Variants in RPL21 observed in about 807,000 individuals in gnomAD.
RPL21 encodes large ribosomal subunit protein eL21.
RPL21 carries 1 observed loss-of-function variant against 21.2 expected under a neutral mutation model. The ratio of observed to expected loss-of-function variants is 0.05; its 90% CI spans 0.02 to 0.22. The LOEUF (loss-of-function observed/expected upper bound fraction) is 0.22. Among genes scored for constraint, RPL21 ranks in the 10% least tolerant of loss-of-function variants. RPL21 has a pLI of 1.00. For missense variants in RPL21, 113 were observed against 199.4 expected (o/e 0.57, Z 2.61); for synonymous variants, 52 against 62.9 (o/e 0.83, Z 0.82).
chr13:27,252,773 T>C (rs560029143), intron 1 of RPL21, among the ~76,000 whole-genome samples: 1 of 152,352 alleles, frequency 6.6e-6, no homozygotes, highest in Admixed American at 6.5e-5. Flanking sequence ...GTCTTCTTGC[T>C]ATACAATTTT....
intron 1 of RPL21, 47 bp downstream of exon 1, chr13:27,251,632 G>C (rs1251239086): frequency 1.3e-5 from 2 of 152,324 alleles, no homozygotes; most frequent in Non-Finnish European, 2.9e-5. Flanking sequence ...CGACAGACTT[G>C]AACCGCGACC....
At position 27,256,246 on chromosome 13, in the gene RPL21, G is replaced by A. The variant is rs751892760; in HGVS notation, c.305G>A (p.Arg102Gln). 4.4e-6 allele frequency: 7 copies of A among 1,586,944 alleles called. No individual in the cohort carries two copies. The highest frequency in any genetic ancestry group is 1.7e-5 in the Admixed American group (1 of 59,124). The change falls in exon 5 of 6, where the codon CGA (arginine) becomes CAA (glutamine). Residue 102 changes from arginine (R) to glutamine (Q), a missense_variant. Coordinates refer to ENST00000311549, the MANE Select transcript of RPL21 (RefSeq NM_000982.4). ...GAGCACATTAAGCACTCTAAGAGCC[G>A]AGATAGCTTCCTGAAACGTGTGAAG... ...RIEHIKHSKS[R>Q]DSFLKRVKEN...
chr13:27,252,397 C>T (rs1004997531), intron 1 of RPL21, among the ~76,000 whole-genome samples: 1 of 152,124 alleles, frequency 6.6e-6, no homozygotes, highest in African/African-American at 2.4e-5. Flanking sequence ...GCAGGTTGCT[C>T]TTTATGGTGG....
At chr13:27,254,195 C>T (rs898663173) in intron 2 of RPL21, 25 bp from the exon 3 acceptor site, 3 of 1,456,868 alleles carry the variant, frequency 2.1e-6, no homozygotes, top group African/African-American at 2.8e-5. Flanking sequence ...CCTTAATACT[C>T]ACTATACCAA....
intron 4 of RPL21, chr13:27,255,750 T>C: frequency 2.8e-6 from 1 of 357,432 alleles, no homozygotes; most frequent in Non-Finnish European, 5.4e-6. Context: ...TTTTTTGTAT[T>C]CTTAGTAGAG....
chr13:27,254,985 A>G (rs1447494705), intron 3 of RPL21: 5 of 630,302 alleles, frequency 7.9e-6, no homozygotes, highest in Non-Finnish European at 1.4e-5. Flanking sequence ...GATGAAGATT[A>G]CTATTACTAT....
intron 4 of RPL21, chr13:27,255,826 C>T (rs1215875724): frequency 9.2e-6 from 3 of 324,908 alleles, no homozygotes; most frequent in African/African-American, 4.4e-5. Context: ...CCTGCCTCGG[C>T]CTCCCAAAGT....
chr13:27,254,417 C>CG (rs1881798221), intron 3 of RPL21, 136 bp downstream of exon 3: 3 of 271,334 alleles, frequency 1.1e-5, no homozygotes, highest in Non-Finnish European at 2.0e-5. Flanking sequence ...TTTTTGGAGA[C>CG]GGAGTTTCAC....
intron 3 of RPL21, chr13:27,254,926 T>C (rs1881824085): frequency 4.4e-6 from 2 of 452,558 alleles, no homozygotes; most frequent in Non-Finnish European, 8.3e-6. Flanking sequence ...TGGGAAATTA[T>C]GAGTTTATCA....
At chr13:27,252,210 AC>A (rs1881683856) in intron 1 of RPL21, among the ~76,000 whole-genome samples, 1 of 151,860 alleles carries the variant, frequency 6.6e-6, no homozygotes, top group South Asian at 2.1e-4. Context: ...TAAAATTTTG[AC>A]CCCACATGGT....
chr13:27,253,063 T>G (rs1347882102), intron 1 of RPL21, among the ~76,000 whole-genome samples: 1 of 152,206 alleles, frequency 6.6e-6, no homozygotes, highest in Non-Finnish European at 1.5e-5. Flanking sequence ...ACTGAGCACT[T>G]TACACGGGCC....
At position 27,251,968 on chromosome 13, in the gene RPL21, C is replaced by T. The variant is rs138132938; in HGVS notation, c.-13+383C>T. On this transcript the variant is annotated intron_variant, in intron 1 of 5. Coordinates refer to ENST00000311549, the MANE Select transcript of RPL21 (RefSeq NM_000982.4). The stretch of plus-strand genomic sequence containing the variant: ...GTGTGGGGGCCGCGTGGCCTGATGC[C>T]TTTCTAACTCCTTTCAGTGTGGCTT... 6.6e-3 allele frequency: 1,001 copies of T among 152,464 alleles called. 9 individuals carry two copies. The highest frequency in any genetic ancestry group is 8.0e-3 in the Non-Finnish European group (543 of 68,148). 9.4% of individuals were successfully genotyped at this position (152,464 alleles called of 1,614,324 possible).
intron 1 of RPL21, 27 bp from the exon 2 acceptor site, chr13:27,253,738 T>G: frequency 7.5e-7 from 1 of 1,334,074 alleles, no homozygotes; most frequent in Non-Finnish European, 1.1e-6. Context: ...TTCAGTCGTA[T>G]TTGACTGTTC....
intron 1 of RPL21, among the ~76,000 whole-genome samples, chr13:27,252,032 T>G (rs552225682): frequency 2.0e-5 from 3 of 152,274 alleles, no homozygotes; most frequent in Admixed American, 2.0e-4. Flanking sequence ...GGTGAGGACT[T>G]AAGGGGTAGT....
chr13:27,256,337 A>G lies in RPL21; in HGVS notation c.393+3A>G, dbSNP rs79636008. 2.9e-3 allele frequency: 4,744 copies of G among 1,610,898 alleles called. 116 individuals carry two copies. The African/African-American group carries it at 0.055, about 19-fold the overall frequency. On this transcript the variant is annotated splice_donor_region_variant and intron_variant, in intron 5 of 5. Transcript: ENST00000311549. ...CCTGGGTTCAACTAAAGCGCCAGGTAAGAATTTGGTGTATATTTCATTGGT... is the reference window on the plus strand; with the variant it reads ...CCTGGGTTCAACTAAAGCGCCAGGTGAGAATTTGGTGTATATTTCATTGGT...
chr13:27,252,852 G>T (rs1197592804), intron 1 of RPL21, among the ~76,000 whole-genome samples: 1 of 152,232 alleles, frequency 6.6e-6, no homozygotes, highest in East Asian at 1.9e-4. Flanking sequence ...AATTGTGTTA[G>T]AATATTGTCA....
chr13:27,255,075 G>A lies in RPL21; in HGVS notation c.130-167G>A, dbSNP rs140626344. ...TATCTTGGCACTCGAGCTTAATGATGACTGTTTTTTTTGATTGCTTGAAGC... is the reference window on the plus strand; with the variant it reads ...TATCTTGGCACTCGAGCTTAATGATAACTGTTTTTTTTGATTGCTTGAAGC... On this transcript the variant is annotated intron_variant, in intron 3 of 5. Transcript: ENST00000311549. The A allele has an allele frequency of 1.2e-3, 883 of 766,098 alleles. 17 individuals are homozygous for A. The South Asian group carries it at 0.012, about 10-fold the overall frequency. 47.5% of individuals were successfully genotyped at this position (766,098 alleles called of 1,614,324 possible).
At chr13:27,254,152 TA>T in intron 2 of RPL21, 67 bp from the exon 3 acceptor site, 1 of 974,438 alleles carries the variant, frequency 1.0e-6, no homozygotes, top group Non-Finnish European at 1.7e-6. Context: ...TAAAAGCTAG[TA>T]AAATTGCATT....
chr13:27,252,804 A>T (rs1207919230), intron 1 of RPL21, among the ~76,000 whole-genome samples: 3 of 152,188 alleles, frequency 2.0e-5, no homozygotes. Context: ...GTACTTTGGG[A>T]GCCATTCTTA....
Sources: allele counts gnomAD v4.1 joint callset (sites outside exome capture counted in the v4.1 genomes callset), GRCh38; gene constraint gnomAD v4.1.1; transcripts MANE v1.5; gene names NCBI Gene and HGNC (gene_info 2026-07-23, HGNC 2026-07-21).